Variants in AGXT2 observed in about 807,000 individuals in gnomAD.
The protein encoded by AGXT2 is alanine--glyoxylate aminotransferase 2.
In AGXT2, 61 loss-of-function variants were observed where a neutral mutation model predicts 62.5. That is an observed-to-expected ratio of 0.98 (90% CI 0.79 to 1.21). AGXT2 has a LOEUF of 1.21. AGXT2 is among the 50% of genes most tolerant of loss of function. The pLI is 0.00. For synonymous variants in AGXT2, 243 were observed against 218.7 expected, an observed-to-expected ratio of 1.11 and a Z score of -0.98; for missense variants, 666 against 641.5, an observed-to-expected ratio of 1.04 and a Z score of -0.41.
In AGXT2 at chr5:34,998,569, G is replaced by T; in HGVS notation, c.*150C>A. The T allele has an allele frequency of 1.5e-6, 1 of 674,450 alleles. No individual in the cohort carries two copies. The allele number at this position is 674,450 out of a possible 1,614,324, so 41.8% of individuals were successfully genotyped here. A position where few individuals can be genotyped will look rare whatever the true frequency, so the allele number is the denominator to read the frequency against. Reference sequence around the variant, plus strand: ...AAGAGGGGCTCTGCTAACAAATATGGTTGGTAGGCAGTCAACCATGACTTT... The same window carrying T: ...AAGAGGGGCTCTGCTAACAAATATGTTTGGTAGGCAGTCAACCATGACTTT... On this transcript the variant is annotated 3_prime_UTR_variant, in exon 14 of 14. Coordinates refer to ENST00000231420, the MANE Select transcript of AGXT2 (RefSeq NM_031900.4).
intron 8 of AGXT2, chr5:35,026,206 T>C: frequency 1.6e-6 from 1 of 621,396 alleles, no homozygotes; most frequent in Non-Finnish European, 2.8e-6. Flanking sequence ...GGTAGTTTCA[T>C]CTGTCTGGTG....
In AGXT2 at chr5:35,026,129, C is replaced by G. The variant is rs539276450; in HGVS notation, c.871-274G>C. The G allele has an allele frequency of 1.9e-4, 114 of 593,982 alleles. No homozygotes were observed. In the African/African-American group the frequency reaches 2.0e-3, roughly 10 times the overall value. The allele number at this position is 593,982 out of a possible 1,614,324, so 36.8% of individuals were successfully genotyped here. Reference sequence around the variant, plus strand: ...GAGACTAAAGAAAGAGTTCTTTGGACAATGCGGATGTTATTAAGCAGCTAA... The same window carrying G: ...GAGACTAAAGAAAGAGTTCTTTGGAGAATGCGGATGTTATTAAGCAGCTAA... On this transcript the variant is annotated intron_variant, in intron 8 of 13. Coordinates refer to ENST00000231420, the MANE Select transcript of AGXT2 (RefSeq NM_031900.4).
intron 9 of AGXT2, among the ~76,000 whole-genome samples, chr5:35,024,821 C>T (rs1292800495): frequency 6.6e-6 from 1 of 151,926 alleles, no homozygotes; most frequent in Non-Finnish European, 1.5e-5. Context: ...AAATACAAAA[C>T]TAGCCGGGTG....
chr5:35,001,157 C>G (rs888485509), intron 13 of AGXT2, among the ~76,000 whole-genome samples: 3 of 152,152 alleles, frequency 2.0e-5, no homozygotes, highest in African/African-American at 7.2e-5. Context: ...AGGGGTTTAT[C>G]AGGAGGTAAC....
chr5:35,032,148 T>G (rs1399726305), intron 7 of AGXT2, among the ~76,000 whole-genome samples: 1 of 151,236 alleles, frequency 6.6e-6, no homozygotes, highest in Admixed American at 6.6e-5. Context: ...AGACACCATT[T>G]CACCATGTTG....
Position 35,001,984 on chromosome 5 carries a change from T to TA in AGXT2, c.1437+1778dup, listed in dbSNP as rs1019866352. Among the ~76,000 whole-genome samples the TA allele has an allele frequency of 3.8e-4, 58 of 152,000 alleles. 1 individual carries two copies. Among genetic ancestry groups the TA allele is most frequent in the South Asian group, 6.3e-4 (3 of 4,796 alleles). On this transcript the variant is annotated intron_variant, in intron 13 of 13. Coordinates refer to ENST00000231420, the MANE Select transcript of AGXT2 (RefSeq NM_031900.4). The stretch of plus-strand genomic sequence containing the variant: ...CAAAAGTAATTGCAGTTTTTGCAAT[T>TA]AAAAAAAATCACAAAAACTGCAATT...
chr5:35,024,561 A>C (rs1767246612), intron 9 of AGXT2, among the ~76,000 whole-genome samples: 1 of 152,218 alleles, frequency 6.6e-6, no homozygotes, highest in Non-Finnish European at 1.5e-5. Flanking sequence ...TAATGCTTTA[A>C]TGCTGCTTTA....
At chr5:35,027,830 C>T (rs1767416958) in intron 7 of AGXT2, among the ~76,000 whole-genome samples, 1 of 149,688 alleles carries the variant, frequency 6.7e-6, no homozygotes, top group Non-Finnish European at 1.5e-5. Context: ...GTTCACAATG[C>T]AAAGCCTTGG....
chr5:35,044,188 A>G (rs1579518497), intron 1 of AGXT2, among the ~76,000 whole-genome samples: 1 of 152,168 alleles, frequency 6.6e-6, no homozygotes, highest in Non-Finnish European at 1.5e-5. Flanking sequence ...CCTCACTGAT[A>G]TTGACGTTTG....
At chr5:35,020,834 A>C (rs903287007) in intron 9 of AGXT2, among the ~76,000 whole-genome samples, 1 of 152,102 alleles carries the variant, frequency 6.6e-6, no homozygotes, top group Non-Finnish European at 1.5e-5. Flanking sequence ...CCATTGTCTC[A>C]GCCCAAAATC....
chr5:35,038,683 G>C (rs1478581047), intron 3 of AGXT2, among the ~76,000 whole-genome samples: 5 of 152,166 alleles, frequency 3.3e-5, no homozygotes, highest in African/African-American at 1.2e-4. Context: ...CCCTAACTTA[G>C]TGTGAGGTTG....
At chr5:35,002,324 T>A (rs1766257862) in intron 13 of AGXT2, among the ~76,000 whole-genome samples, 1 of 152,076 alleles carries the variant, frequency 6.6e-6, no homozygotes, top group South Asian at 2.1e-4. Context: ...GGGGAAAAAT[T>A]GAAGATGCAA....
At chr5:35,046,341 C>G (rs1288900334) in intron 1 of AGXT2, among the ~76,000 whole-genome samples, 4 of 152,162 alleles carry the variant, frequency 2.6e-5, no homozygotes, top group African/African-American at 9.7e-5. Context: ...ATTTTACCTG[C>G]TTCTGAGAAA....
chr5:35,015,849 C>CAAAA (rs557021858), intron 9 of AGXT2, among the ~76,000 whole-genome samples: 65 of 69,472 alleles, frequency 9.4e-4, no homozygotes, highest in African/African-American at 3.4e-3. Context: ...GACTCCATCT[C>CAAAA]AAAAAAAAAA....
At position 34,998,814 on chromosome 5, in the gene AGXT2, CA is replaced by C. The variant is rs1198536081; in HGVS notation, c.1449del (p.Ile483MetfsTer16). ...GGTTTAGTGATGCACATTGAGGGCGCAATGCGAAATGTCTGAGGAGACACCA... is the reference window on the plus strand; with the variant it reads ...GGTTTAGTGATGCACATTGAGGGCGCATGCGAAATGTCTGAGGAGACACCA... Reference protein sequence around the residue: ...RGSIFSQTFRIAPSMCITKPE... With the variant: ...RGSIFSQTFRXAPSMCITKPE... On this transcript the variant is annotated frameshift_variant, in exon 14 of 14. Coordinates refer to ENST00000231420, the MANE Select transcript of AGXT2 (RefSeq NM_031900.4). LOFTEE classifies it high-confidence loss of function. 6.2e-7 allele frequency: 1 copy of C among 1,613,186 alleles called. No homozygotes were observed. Among genetic ancestry groups the C allele is most frequent in the Admixed American group, 1.7e-5 (1 of 60,024 alleles).
Position 35,047,265 on chromosome 5 carries a change from C to A in AGXT2, c.88+540G>T, listed in dbSNP as rs1393720608. On this transcript the variant is annotated intron_variant, in intron 1 of 13. Transcript: ENST00000231420. ...ACCAACTTGAGCAACATAGTAAAAC[C>A]CCATGTCTACAAAAGTTAAAAAAGA... 3.3e-5 allele frequency among the ~76,000 whole-genome samples: 5 copies of A among 152,218 alleles called. No individual in the cohort carries two copies. The South Asian group carries it at 8.3e-4, about 25-fold the overall frequency.
chr5:35,027,381 C>T (rs530806507), intron 7 of AGXT2, among the ~76,000 whole-genome samples: 1 of 152,146 alleles, frequency 6.6e-6, no homozygotes, highest in South Asian at 2.1e-4. Context: ...TTCATTACTT[C>T]TCCTTTTGGC....
intron 9 of AGXT2, among the ~76,000 whole-genome samples, chr5:35,017,403 G>A (rs1030923460): frequency 1.3e-5 from 2 of 152,312 alleles, no homozygotes; most frequent in East Asian, 1.9e-4. Flanking sequence ...ATTCCCACGT[G>A]TTGTGGGAGG....
At chr5:35,033,158 G>A (rs1767634771) in intron 6 of AGXT2, 1 of 483,462 alleles carries the variant, frequency 2.1e-6, no homozygotes, top group Non-Finnish European at 3.8e-6. Flanking sequence ...GGAACAGAAG[G>A]TGAGTACAGT....
Sources: allele counts gnomAD v4.1 joint callset (sites outside exome capture counted in the v4.1 genomes callset), GRCh38; gene constraint gnomAD v4.1.1; transcripts MANE v1.5; gene names NCBI Gene and HGNC (gene_info 2026-07-23, HGNC 2026-07-21).